The following ELL variants were observed in gnomAD, a reference collection of about 807,000 sequenced individuals.
ELL encodes RNA polymerase II elongation factor ELL.
Under a neutral mutation model 64.0 loss-of-function variants are expected in ELL, and 18 were observed. That is an observed-to-expected ratio of 0.28 (90% CI 0.19 to 0.42). ELL has a LOEUF of 0.42. Among genes scored for constraint, ELL ranks in the 10% least tolerant of loss-of-function variants. The probability of loss-of-function intolerance (pLI) is 1.00; values close to 1 mark genes in which losing one functional copy is unlikely to be tolerated. For missense variants in ELL, 797 were observed against 870.4 expected, an observed-to-expected ratio of 0.92 and a Z score of 1.06; for synonymous variants, 399 against 376.2, an observed-to-expected ratio of 1.06 and a Z score of -0.70.
intron 1 of ELL, among the ~76,000 whole-genome samples, chr19:18,509,155 AC>A (rs1417920380): frequency 1.3e-5 from 2 of 152,074 alleles, no homozygotes; most frequent in Non-Finnish European, 2.9e-5. Flanking sequence ...GGAGGCACCC[AC>A]CAGGGCCCTT....
chr19:18,496,920 C>T (rs1426980681), intron 1 of ELL, among the ~76,000 whole-genome samples: 1 of 152,258 alleles, frequency 6.6e-6, no homozygotes, highest in Non-Finnish European at 1.5e-5. Context: ...CTGGTGAGGA[C>T]ATGGGGCAAC....
At chr19:18,511,860 TAA>T (rs752422860) in intron 1 of ELL, among the ~76,000 whole-genome samples, 4 of 132,384 alleles carry the variant, frequency 3.0e-5, no homozygotes, top group Non-Finnish European at 3.3e-5. Flanking sequence ...CTCTACAAAT[TAA>T]AAAAAAAAAA....
At chr19:18,479,568 G>A (rs1975250802) in intron 1 of ELL, among the ~76,000 whole-genome samples, 1 of 151,978 alleles carries the variant, frequency 6.6e-6, no homozygotes, top group Non-Finnish European at 1.5e-5. Context: ...AATTAGCCAG[G>A]CATGGTGGCA....
chr19:18,509,657 A>ACACT (rs1975974734), intron 1 of ELL, among the ~76,000 whole-genome samples: 2 of 111,514 alleles, frequency 1.8e-5, no homozygotes, highest in Admixed American at 1.7e-4. Flanking sequence ...ACACACACAC[A>ACACT]CTCCCCTCCC....
intron 1 of ELL, among the ~76,000 whole-genome samples, chr19:18,478,693 G>A (rs1335585736): frequency 6.6e-6 from 1 of 152,360 alleles, no homozygotes; most frequent in Non-Finnish European, 1.5e-5. Flanking sequence ...GGACAGGCAG[G>A]CACTGAGCTG....
At position 18,450,546 on chromosome 19, in the gene ELL, G is replaced by T. The variant is rs1568375482; in HGVS notation, c.1396C>A (p.Pro466Thr). The change falls in exon 8 of 12, where the codon CCC becomes ACC. Residue 466 changes from proline (P) to threonine (T), a missense_variant. By Grantham distance (38) the Pro-to-Thr change is conservative (BLOSUM62 -1). Coordinates refer to ENST00000262809, the MANE Select transcript of ELL (RefSeq NM_006532.4). ...GCACAGTCTGGAAGCTGGGCCCGGG[G>T]CTTGTCCTCAGCCGCCCTCTCCTTG... ...KDKERAAEDK[P>T]RAQLPDCAPA... 5 of 1,613,226 alleles carry T rather than the reference G, an allele frequency of 3.1e-6. No homozygotes were observed. The highest frequency in any genetic ancestry group is 4.2e-6 in the Non-Finnish European group (5 of 1,179,924).
Position 18,449,389 on chromosome 19 carries a change from C to A in ELL, c.1465+1088G>T, listed in dbSNP as rs574918551. ...GAGGCTGCCCAGGGAGTAAGGCCAC[C>A]TTCTCCCCGTCGGCCCCCACATGCA... On this transcript the variant is annotated intron_variant, in intron 8 of 11. Coordinates refer to ENST00000262809, the MANE Select transcript of ELL (RefSeq NM_006532.4). This position sits in a 1 kb window ranked among gnomAD's most constrained non-coding sequence, Gnocchi z 4.4. Among the ~76,000 whole-genome samples the A allele has an allele frequency of 6.6e-6, 1 of 152,106 alleles. No homozygotes were observed. Among genetic ancestry groups the A allele is most frequent in the Non-Finnish European group, 1.5e-5 (1 of 67,992 alleles).
intron 1 of ELL, among the ~76,000 whole-genome samples, chr19:18,490,522 G>C (rs1414185006): frequency 6.6e-6 from 1 of 152,196 alleles, no homozygotes; most frequent in African/African-American, 2.4e-5. Flanking sequence ...CCTCTAATCT[G>C]CAAGTTTCTT....
chr19:18,510,491 G>C (rs921413344), intron 1 of ELL, among the ~76,000 whole-genome samples: 10 of 152,162 alleles, frequency 6.6e-5, no homozygotes, highest in African/African-American at 2.4e-4. Context: ...TCACTGCAGA[G>C]CCACACCGGG....
At chr19:18,519,346 T>C (rs1331223679) in intron 1 of ELL, among the ~76,000 whole-genome samples, 2 of 152,308 alleles carry the variant, frequency 1.3e-5, no homozygotes, top group East Asian at 1.9e-4. Flanking sequence ...GATAGAGTTG[T>C]CCACATGAGA....
At chr19:18,498,060 G>A (rs1168372769) in intron 1 of ELL, among the ~76,000 whole-genome samples, 5 of 151,954 alleles carry the variant, frequency 3.3e-5, no homozygotes, top group Admixed American at 3.3e-4. Context: ...CCCAGGAGGT[G>A]GAGGTTGGAT....
chr19:18,520,491 T>G, intron 1 of ELL, among the ~76,000 whole-genome samples: 1 of 151,146 alleles, frequency 6.6e-6, no homozygotes, highest in African/African-American at 2.4e-5. Flanking sequence ...CAAAAAAAAA[T>G]GAAATCCTCA....
At chr19:18,466,138 T>TGGGCATG (rs929338177) in intron 2 of ELL, among the ~76,000 whole-genome samples, 2 of 152,048 alleles carry the variant, frequency 1.3e-5, no homozygotes, top group Admixed American at 6.6e-5. Context: ...CCTATGCGGG[T>TGGGCATG]GGGCATGGGG....
chr19:18,451,021 G>A (rs1933534272), intron 7 of ELL, 46 bp from the exon 8 acceptor site: 2 of 1,482,146 alleles, frequency 1.3e-6, no homozygotes, highest in Non-Finnish European at 8.9e-7. Flanking sequence ...CAGAGTGGCT[G>A]AGCAGCAACA....
intron 1 of ELL, among the ~76,000 whole-genome samples, chr19:18,506,507 G>A (rs577458424): frequency 1.6e-4 from 24 of 152,226 alleles, no homozygotes; most frequent in African/African-American, 2.9e-4. Context: ...CAGGAAGTTC[G>A]TTTGAGGTCA....
intron 1 of ELL, among the ~76,000 whole-genome samples, chr19:18,515,147 C>T (rs1255189696): frequency 1.3e-5 from 2 of 152,220 alleles, no homozygotes; most frequent in Non-Finnish European, 2.9e-5. Flanking sequence ...GTCACGATGC[C>T]GAGTGCAGAG....
chr19:18,513,707 G>C (rs1248127899), intron 1 of ELL, among the ~76,000 whole-genome samples: 1 of 151,918 alleles, frequency 6.6e-6, no homozygotes, highest in Admixed American at 6.6e-5. Context: ...TGAGGCGGGC[G>C]GATCACAAGG....
chr19:18,507,113 G>A (rs1600500003), intron 1 of ELL, among the ~76,000 whole-genome samples: 1 of 152,168 alleles, frequency 6.6e-6, no homozygotes, highest in South Asian at 2.1e-4. Context: ...AATCCAGTGT[G>A]AGCTGAGCAC....
At chr19:18,487,398 G>A (rs1975441644) in intron 1 of ELL, among the ~76,000 whole-genome samples, 1 of 152,226 alleles carries the variant, frequency 6.6e-6, no homozygotes, top group Non-Finnish European at 1.5e-5. Flanking sequence ...GGGTTTGGGG[G>A]ACAGTTGCCC....
Sources: gnomAD v4.1 joint callset for allele counts (sites outside exome capture counted in the v4.1 genomes callset) on GRCh38, gnomAD v4.1.1 for gene constraint, Gnocchi (gnomAD v3.1) non-coding constraint, MANE v1.5 for transcripts, NCBI Gene and HGNC (gene_info 2026-07-23, HGNC 2026-07-21) for gene names.